Variants in GRHL1 observed in about 807,000 individuals in gnomAD.
The protein encoded by GRHL1 is grainyhead-like protein 1 homolog.
GRHL1 carries 38 observed loss-of-function variants against 75.7 expected under a neutral mutation model. The ratio of observed to expected loss-of-function variants is 0.50; its 90% CI spans 0.39 to 0.66. GRHL1 has a LOEUF of 0.66. Among genes scored for constraint, GRHL1 ranks in the 30% least tolerant of loss-of-function variants. The pLI, the probability that GRHL1 is intolerant of heterozygous loss-of-function variation, is 0.00. For missense variants in GRHL1, 589 were observed against 767.5 expected (o/e 0.77, Z 2.75); for synonymous variants, 266 against 279.4 (o/e 0.95, Z 0.48).
intron 8 of GRHL1, among the ~76,000 whole-genome samples, chr2:9,979,166 A>AC (rs1668088009): frequency 6.7e-6 from 1 of 150,182 alleles, no homozygotes; most frequent in South Asian, 2.1e-4. Flanking sequence ...AAAAAAAAAA[A>AC]AGGAAACCTT....
intron 8 of GRHL1, among the ~76,000 whole-genome samples, chr2:9,984,451 T>A (rs1668334984): frequency 1.3e-5 from 2 of 152,350 alleles, no homozygotes; most frequent in East Asian, 1.9e-4. Flanking sequence ...AAAACATTTT[T>A]AAAATCCACA....
chr2:9,978,062 C>T (rs3791761), intron 8 of GRHL1, among the ~76,000 whole-genome samples: 31,371 of 152,144 alleles, frequency 0.21, 3,388 homozygotes, highest in African/African-American at 0.27. Flanking sequence ...TTCACTACCA[C>T]GAGAACAGTA....
chr2:9,963,708 T>C (rs540765569), intron 5 of GRHL1, among the ~76,000 whole-genome samples, 178 bp from the exon 6 acceptor site: 12 of 152,346 alleles, frequency 7.9e-5, no homozygotes, highest in African/African-American at 2.9e-4. Flanking sequence ...CATCATAGAA[T>C]TTTTAATCGG....
intron 14 of GRHL1, 90 bp downstream of exon 14, chr2:9,996,491 TCCTTTGTCAGA>T: frequency 1.1e-6 from 1 of 931,556 alleles, no homozygotes; most frequent in Non-Finnish European, 1.8e-6. Context: ...ATGATCCAAA[TCCTTTGTCAGA>T]CCTTCTGGAA....
At chr2:9,999,445 G>A (rs538689676) in intron 15 of GRHL1, among the ~76,000 whole-genome samples, 41 of 152,362 alleles carry the variant, frequency 2.7e-4, no homozygotes, top group African/African-American at 8.7e-4. Flanking sequence ...TGTCGAGCCC[G>A]TTGGAGCCGG....
In GRHL1 at chr2:9,951,900, G is replaced by A. The variant is rs905048804; in HGVS notation, c.20+47G>A. The A allele has an allele frequency of 1.5e-6, 2 of 1,360,500 alleles. No homozygotes were observed. The highest frequency in any genetic ancestry group is 1.5e-5 in the African/African-American group (1 of 65,420). 84.3% of individuals were successfully genotyped at this position (1,360,500 alleles called of 1,614,324 possible). ...GGCCGCCGCGGGGGGGCCGCGCTGA[G>A]GGGCCGCACCTGCAGCGAGCGAGCC... On this transcript the variant is annotated intron_variant, in intron 1 of 15. Transcript: ENST00000324907. The surrounding 1 kb of genome is among the most constrained non-coding windows in gnomAD (Gnocchi z 4.2).
rs552777926 is a variant in GRHL1 at position 10,002,021 on chromosome 2, T to C, written c.*1314T>C. On this transcript the variant is annotated 3_prime_UTR_variant, in exon 16 of 16. Coordinates refer to ENST00000324907, the MANE Select transcript of GRHL1 (RefSeq NM_198182.3). The stretch of plus-strand genomic sequence containing the variant: ...TAAAATATGTAATTTTATAACAAAG[T>C]CACGGGTATCTTTAGGTTCAGGGAA... 6.5e-6 allele frequency: 1 copy of C among 152,788 alleles called. No homozygotes were observed. Among genetic ancestry groups the C allele is most frequent in the East Asian group, 1.9e-4 (1 of 5,190 alleles). 9.5% of individuals were successfully genotyped at this position (152,788 alleles called of 1,614,324 possible).
intron 8 of GRHL1, among the ~76,000 whole-genome samples, chr2:9,977,009 A>G (rs1224342904): frequency 6.6e-6 from 1 of 152,218 alleles, no homozygotes; most frequent in Non-Finnish European, 1.5e-5. Context: ...ATATTTGGCA[A>G]TTGCCTAATA....
chr2:9,989,046 A>C (rs1668535628), intron 9 of GRHL1, among the ~76,000 whole-genome samples: 1 of 152,124 alleles, frequency 6.6e-6, no homozygotes, highest in African/African-American at 2.4e-5. Context: ...AATAATGGCT[A>C]GGAGATTGGG....
Position 9,998,864 on chromosome 2 carries a change from GTATATATATGTACACATATATATACA to G in GRHL1, c.1678-91_1678-66del, listed in dbSNP as rs1558321753. ...TATATATATGTACACATATATATAC[GTATATATATGTACACATATATATACA>G]TATATATATATTTGTTGTTTGGTTT... On this transcript the variant is annotated intron_variant, in intron 14 of 15. Coordinates refer to ENST00000324907, the MANE Select transcript of GRHL1 (RefSeq NM_198182.3). 658 of 105,564 alleles carry G rather than the reference GTATATATATGTACACATATATATACA, an allele frequency of 6.2e-3. 33 individuals carry two copies. Among genetic ancestry groups the G allele is most frequent in the East Asian group, 0.027 (117 of 4,352 alleles). 6.5% of individuals were successfully genotyped at this position (105,564 alleles called of 1,614,324 possible).
intron 2 of GRHL1, among the ~76,000 whole-genome samples, chr2:9,956,802 G>A (rs1423715756): frequency 1.3e-5 from 2 of 152,072 alleles, no homozygotes; most frequent in African/African-American, 2.4e-5. Context: ...ATTTTTAACT[G>A]AAACTTTTGA....
chr2:9,979,151 CAA>C (rs1227015836), intron 8 of GRHL1, among the ~76,000 whole-genome samples: 846 of 60,372 alleles, frequency 0.014, 46 homozygotes, highest in African/African-American at 0.053. Flanking sequence ...GACTCTCTCT[CAA>C]AAAAAAAAAA....
At chr2:9,978,738 C>A (rs1334696755) in intron 8 of GRHL1, among the ~76,000 whole-genome samples, 1 of 152,142 alleles carries the variant, frequency 6.6e-6, no homozygotes. Flanking sequence ...TGCCTGTAAT[C>A]CCAGCACTTT....
chr2:9,990,881 C>A lies in GRHL1; in HGVS notation c.1321+134C>A. ...GACAGTGGGTGTTCTTCCTGTTCTG[C>A]AGTGTGGCACTGCCTCTTCCTCAGA... is the stretch of plus-strand genomic sequence containing the variant. On this transcript the variant is annotated intron_variant, in intron 10 of 15. Coordinates refer to ENST00000324907, the MANE Select transcript of GRHL1 (RefSeq NM_198182.3). The surrounding 1 kb of genome is among the most constrained non-coding windows in gnomAD (Gnocchi z 4.2). The A allele has an allele frequency of 1.6e-6, 1 of 638,154 alleles. No homozygotes were observed. The highest frequency in any genetic ancestry group is 2.8e-5 in the East Asian group (1 of 35,652). The allele number at this position is 638,154 out of a possible 1,614,324, so 39.5% of individuals were successfully genotyped here. A position where few individuals can be genotyped will look rare whatever the true frequency, so the allele number is the denominator to read the frequency against.
chr2:9,964,345 A>T lies in GRHL1; in HGVS notation c.1014A>T (p.Ile338=). The change falls in exon 7 of 16, where the codon ATA becomes ATT. Residue 338 remains isoleucine, a splice_region_variant and synonymous_variant. Transcript: ENST00000324907. Reference sequence around the variant, plus strand: ...CCGCTAAACAAAGATGCATTGACATAGGTAAGCAGCTCAAGAGCCCGCTTT... The same window carrying T: ...CCGCTAAACAAAGATGCATTGACATTGGTAAGCAGCTCAAGAGCCCGCTTT... ...QHTAKQRCID[I]ADYKESFNTI... is the part of the protein sequence containing the mutation. The T allele has an allele frequency of 2.0e-6, 3 of 1,536,560 alleles. No homozygotes were observed. Among genetic ancestry groups the T allele is most frequent in the Non-Finnish European group, 2.7e-6 (3 of 1,111,272 alleles).
chr2:9,955,093 T>C lies in GRHL1; in HGVS notation c.199T>C (p.Tyr67His). ...SAAALGLLYD[Y>H]YKVPRERRSS... ...CGCTGCGCTGGGCCTGCTCTATGAC[T>C]ACTACAAGGTGGGTTTGCCTGCCTT... The change falls in exon 2 of 16, where the codon TAC (tyrosine) becomes CAC (histidine). Residue 67 changes from tyrosine (Y) to histidine (H), a missense_variant. By Grantham distance (83) the Tyr-to-His change is moderately conservative. This residue lies in a region of GRHL1 where 362 missense variants were observed against 461.8 expected (regional missense o/e 0.78). Coordinates refer to ENST00000324907, the MANE Select transcript of GRHL1 (RefSeq NM_198182.3). 1.2e-6 allele frequency: 2 copies of C among 1,609,256 alleles called. No homozygotes were observed. The highest frequency in any genetic ancestry group is 1.7e-6 in the Non-Finnish European group (2 of 1,177,014).
chr2:9,958,174 CTTTT>C (rs61051898), intron 2 of GRHL1, among the ~76,000 whole-genome samples: 10 of 130,734 alleles, frequency 7.6e-5, no homozygotes, highest in Admixed American at 2.3e-4. Flanking sequence ...TTCTTTTTTT[CTTTT>C]TTTTTTTTTT....
chr2:9,985,870 G>A (rs969380718), intron 8 of GRHL1, among the ~76,000 whole-genome samples: 2 of 152,150 alleles, frequency 1.3e-5, no homozygotes, highest in African/African-American at 2.4e-5. Context: ...TAGGGATTCT[G>A]GAAGGGAACA....
intron 13 of GRHL1, 145 bp downstream of exon 13, chr2:9,996,115 G>A (rs1668851771): frequency 4.2e-6 from 3 of 721,938 alleles, no homozygotes; most frequent in Admixed American, 2.3e-5. Context: ...GCTTGAGCTA[G>A]GACTTAGAGC....
Sources: allele counts gnomAD v4.1 joint callset (sites outside exome capture counted in the v4.1 genomes callset), GRCh38; gene constraint gnomAD v4.1.1; regional missense constraint gnomAD v4.1.1; non-coding constraint Gnocchi (gnomAD v3.1); transcripts MANE v1.5; gene names NCBI Gene and HGNC (gene_info 2026-07-23, HGNC 2026-07-21).